TMEM132D: variants seen among roughly 807,000 people sequenced by gnomAD.
TMEM132D encodes transmembrane protein 132D.
A neutral mutation model predicts 62.3 loss-of-function variants in TMEM132D; 21 were observed. That is an observed-to-expected ratio of 0.34 (90% CI 0.24 to 0.49). The LOEUF (loss-of-function observed/expected upper bound fraction) is 0.49, where lower values mean the gene tolerates loss of function less well. Among genes scored for constraint, TMEM132D ranks in the 20% least tolerant of loss-of-function variants. The pLI, the probability that TMEM132D is intolerant of heterozygous loss-of-function variation, is 0.99. For synonymous variants in TMEM132D, 621 were observed against 575.6 expected (o/e 1.08, Z -1.13); for missense variants, 1,346 against 1,402.8 (o/e 0.96, Z 0.65).
intron 2 of TMEM132D, among the ~76,000 whole-genome samples, chr12:129,645,819 C>T (rs1258882871): frequency 2.6e-5 from 4 of 152,148 alleles, no homozygotes; most frequent in African/African-American, 7.2e-5. Context: ...AATTATAATG[C>T]ATTAGCATGC....
chr12:129,664,060 A>G (rs2137194190), intron 2 of TMEM132D, among the ~76,000 whole-genome samples: 1 of 152,360 alleles, frequency 6.6e-6, no homozygotes, highest in South Asian at 2.1e-4. Flanking sequence ...GAAGGAAATT[A>G]TCATTGCTCG....
intron 1 of TMEM132D, among the ~76,000 whole-genome samples, chr12:129,877,926 T>G (rs1219212006): frequency 6.6e-6 from 1 of 152,144 alleles, no homozygotes; most frequent in Non-Finnish European, 1.5e-5. Flanking sequence ...TTGTGGCAAT[T>G]TTGCCCTGAG....
chr12:129,696,950 C>T (rs908917511), intron 2 of TMEM132D, among the ~76,000 whole-genome samples: 37 of 152,122 alleles, frequency 2.4e-4, no homozygotes, highest in Non-Finnish European at 5.9e-5. Flanking sequence ...GACAAAAAGC[C>T]CCACCTGGGT....
chr12:129,564,141 A>G (rs1184768169), intron 2 of TMEM132D, among the ~76,000 whole-genome samples: 1 of 152,216 alleles, frequency 6.6e-6, no homozygotes, highest in African/African-American at 2.4e-5. Flanking sequence ...CTAGGTAATC[A>G]CTAAATCTTA....
chr12:129,574,417 C>G (rs1168078491), intron 2 of TMEM132D, among the ~76,000 whole-genome samples: 1 of 151,750 alleles, frequency 6.6e-6, no homozygotes, highest in East Asian at 1.9e-4. Context: ...ATATTAAAAC[C>G]CTAAAAGTCA....
intron 4 of TMEM132D, among the ~76,000 whole-genome samples, chr12:129,320,988 A>C (rs1868685309): frequency 6.6e-6 from 1 of 152,168 alleles, no homozygotes; most frequent in Non-Finnish European, 1.5e-5. Context: ...CTACCTACCT[A>C]CCTACCTACC....
At chr12:129,326,867 A>C (rs568914270) in intron 4 of TMEM132D, among the ~76,000 whole-genome samples, 8 of 152,350 alleles carry the variant, frequency 5.3e-5, no homozygotes, top group African/African-American at 1.7e-4. Context: ...TAAATAAAAG[A>C]AAATAGTTTA....
At chr12:129,825,109 G>A (rs956268665) in intron 1 of TMEM132D, among the ~76,000 whole-genome samples, 12 of 151,230 alleles carry the variant, frequency 7.9e-5, no homozygotes, top group Non-Finnish European at 1.8e-4. Flanking sequence ...CACCTCCCCG[G>A]TTCAAGCTAT....
chr12:129,365,924 T>TCCAC (rs1870394131), intron 3 of TMEM132D, among the ~76,000 whole-genome samples: 1 of 151,936 alleles, frequency 6.6e-6, no homozygotes, highest in Non-Finnish European at 1.5e-5. Context: ...CCCTGCAATG[T>TCCAC]CCACCCAGCA....
intron 4 of TMEM132D, among the ~76,000 whole-genome samples, chr12:129,333,685 C>G (rs900844555): frequency 6.6e-6 from 1 of 152,198 alleles, no homozygotes; most frequent in Non-Finnish European, 1.5e-5. Context: ...GCATCTGGCT[C>G]CTGGAATAGC....
At chr12:129,780,293 A>G (rs1308400919) in intron 1 of TMEM132D, among the ~76,000 whole-genome samples, 1 of 142,802 alleles carries the variant, frequency 7.0e-6, no homozygotes, top group Non-Finnish European at 1.5e-5. Context: ...TGTCTGAAAG[A>G]GGACACTCAG....
intron 3 of TMEM132D, among the ~76,000 whole-genome samples, chr12:129,408,769 T>C (rs536667267): frequency 5.9e-5 from 9 of 152,206 alleles, no homozygotes; most frequent in Non-Finnish European, 8.8e-5. Context: ...TACACTCATG[T>C]GCACAAATGT....
At position 129,732,430 on chromosome 12, in the gene TMEM132D, C is replaced by T. The variant is rs573890689; in HGVS notation, c.80-31732G>A. Among the ~76,000 whole-genome samples the T allele has an allele frequency of 2.3e-3, 351 of 152,306 alleles. 2 individuals carry two copies. Among genetic ancestry groups the T allele is most frequent in the African/African-American group, 6.0e-3 (248 of 41,564 alleles). On this transcript the variant is annotated intron_variant, in intron 1 of 8. Transcript: ENST00000422113. ...TCACGTTGAATTGGCATCCCCAGTG[C>T]TGGAGGTATGACCTGGTGAGAGGTG...
intron 2 of TMEM132D, among the ~76,000 whole-genome samples, chr12:129,570,576 C>T (rs1255160205): frequency 1.6e-4 from 24 of 152,128 alleles, no homozygotes; most frequent in Admixed American, 1.6e-3. Context: ...CAGAGCTACC[C>T]TAGGGCAAAT....
chr12:129,621,140 C>G (rs1014054641), intron 2 of TMEM132D, among the ~76,000 whole-genome samples: 6 of 151,996 alleles, frequency 3.9e-5, no homozygotes, highest in African/African-American at 1.5e-4. Flanking sequence ...CCACCATCCC[C>G]CATATCCTTC....
chr12:129,175,987 T>G (rs1295177670), intron 5 of TMEM132D, among the ~76,000 whole-genome samples: 2 of 152,000 alleles, frequency 1.3e-5, no homozygotes, highest in African/African-American at 4.8e-5. Flanking sequence ...TCAAGTGGAG[T>G]CTGGAGTAAT....
chr12:129,582,907 T>A (rs994926869), intron 2 of TMEM132D, among the ~76,000 whole-genome samples: 1 of 150,922 alleles, frequency 6.6e-6, no homozygotes. Flanking sequence ...TTATAGGCAT[T>A]AGCCACCACG....
rs556425231 is a variant in TMEM132D at position 129,513,542 on chromosome 12, T to G, written c.1115+17517A>C. ...CTCTGTCGCCCGGGCTGGAGTGCAG[T>G]GGCGCGATCTCGGCTCACTGCAAGC... is the stretch of plus-strand genomic sequence containing the variant. On this transcript the variant is annotated intron_variant, in intron 3 of 8. Transcript: ENST00000422113. 3.5e-3 allele frequency among the ~76,000 whole-genome samples: 536 copies of G among 152,232 alleles called. 3 individuals carry two copies. The highest frequency in any genetic ancestry group is 4.5e-3 in the Non-Finnish European group (307 of 67,998).
intron 3 of TMEM132D, among the ~76,000 whole-genome samples, chr12:129,490,578 GC>G (rs763912278): frequency 4.2e-4 from 56 of 133,168 alleles, no homozygotes; most frequent in Non-Finnish European, 5.8e-4. Context: ...ACAGGCGCCC[GC>G]CCACCACGCC....
Sources: gnomAD v4.1 joint callset for allele counts (sites outside exome capture counted in the v4.1 genomes callset) on GRCh38, gnomAD v4.1.1 for gene constraint, MANE v1.5 for transcripts, NCBI Gene and HGNC (gene_info 2026-07-23, HGNC 2026-07-21) for gene names.